The following RSPRY1 variants were observed in gnomAD, a reference collection of about 807,000 sequenced individuals.
RSPRY1 encodes the protein RING finger and SPRY domain-containing protein 1.
A neutral mutation model predicts 73.1 loss-of-function variants in RSPRY1; 23 were observed. That is an observed-to-expected ratio of 0.31 (90% CI 0.23 to 0.45). The LOEUF is 0.45. Among genes scored for constraint, RSPRY1 ranks in the 20% least tolerant of loss-of-function variants. The pLI is 1.00. For missense variants in RSPRY1, 448 were observed against 698.7 expected (o/e 0.64, Z 4.05); for synonymous variants, 226 against 251.4 (o/e 0.90, Z 0.95).
chr16:57,205,380 A>C (rs1354872984), intron 2 of RSPRY1: 1 of 189,468 alleles, frequency 5.3e-6, no homozygotes. Flanking sequence ...CTCAGATTCA[A>C]GGTAAGTTGT....
intron 1 of RSPRY1, among the ~76,000 whole-genome samples, chr16:57,201,456 C>T (rs1274378314): frequency 1.3e-5 from 2 of 151,244 alleles, no homozygotes; most frequent in East Asian, 1.9e-4. Context: ...CGGGCAGAGA[C>T]GCTCCTCACT....
In RSPRY1 at chr16:57,213,005, T is replaced by G; in HGVS notation, c.550T>G (p.Leu184Val). The change falls in exon 5 of 15, where the codon TTA (leucine) becomes GTA (valine). Residue 184 changes from leucine to valine, a missense_variant. Physicochemically the swap from Leu to Val is conservative, Grantham distance 32. Transcript: ENST00000394420. ...ALQKLTEILN[L>V]NGEVACQDSS... ...CCAGAAATTGACTGAAATTCTCAAT[T>G]TAAATGGAGAAGTAGCTTGCCAGGA... 6.2e-7 allele frequency: 1 copy of G among 1,614,084 alleles called. No homozygotes were observed. Among genetic ancestry groups the G allele is most frequent in the Non-Finnish European group, 8.5e-7 (1 of 1,180,014 alleles).
intron 1 of RSPRY1, among the ~76,000 whole-genome samples, chr16:57,195,096 G>C (rs537747973): frequency 6.6e-6 from 1 of 152,060 alleles, no homozygotes; most frequent in South Asian, 2.1e-4. Flanking sequence ...GGAGAGAATA[G>C]TCTTTAGTTT....
chr16:57,203,289 C>T (rs1352463403), intron 1 of RSPRY1, among the ~76,000 whole-genome samples: 1 of 151,990 alleles, frequency 6.6e-6, no homozygotes, highest in Admixed American at 6.6e-5. Context: ...GAGCGAGACT[C>T]CTCAAAAATA....
rs750796926 is a variant in RSPRY1, at chr16:57,189,504, TA to T, written c.-156+3066del. 5.4e-3 allele frequency among the ~76,000 whole-genome samples: 743 copies of T among 137,736 alleles called. 1 individual carries two copies. The highest frequency in any genetic ancestry group is 0.011 in the African/African-American group (408 of 37,812). The allele number at this position is 137,736 out of a possible 152,430, so 90.4% of individuals were successfully genotyped here. A position where few individuals can be genotyped will look rare whatever the true frequency, so the allele number is the denominator to read the frequency against. On this transcript the variant is annotated intron_variant, in intron 1 of 14. Transcript: ENST00000394420. The stretch of plus-strand genomic sequence containing the variant: ...ATGTAGCACTGTGGGGCCTGGAGGC[TA>T]AAAAAAAAAAAAGTGTGTTTTGTCA...
chr16:57,212,684 G>T lies in RSPRY1; in HGVS notation c.517-288G>T, dbSNP rs148714622. ...GGCTGGAGTGCAGTGGCACGATCTC[G>T]GCTCACTGCAACCTCTACCTCCCAG... is the stretch of plus-strand genomic sequence containing the variant. On this transcript the variant is annotated intron_variant, in intron 4 of 14. Transcript: ENST00000394420. Among the ~76,000 whole-genome samples the T allele has an allele frequency of 7.2e-3, 1,089 of 151,966 alleles. 12 individuals carry two copies. The highest frequency in any genetic ancestry group is 0.025 in the African/African-American group (1,049 of 41,438).
At chr16:57,226,461 C>G (rs1302705883) in intron 10 of RSPRY1, among the ~76,000 whole-genome samples, 1 of 152,176 alleles carries the variant, frequency 6.6e-6, no homozygotes, top group East Asian at 1.9e-4. Flanking sequence ...ATATGCTAAA[C>G]AGGGATGGAT....
At chr16:57,219,844 G>A (rs2075006336) in intron 8 of RSPRY1, 1 of 152,194 alleles carries the variant, frequency 6.6e-6, no homozygotes, top group African/African-American at 2.4e-5. Context: ...GGCAATGAGA[G>A]ATAGGGGTCT....
intron 1 of RSPRY1, among the ~76,000 whole-genome samples, chr16:57,194,483 A>C (rs1202907009): frequency 6.6e-6 from 1 of 152,222 alleles, no homozygotes; most frequent in Non-Finnish European, 1.5e-5. Context: ...GAAAAATCCG[A>C]AAACATTTTC....
chr16:57,205,423 T>C (rs760287087), intron 2 of RSPRY1, among the ~76,000 whole-genome samples: 14 of 152,250 alleles, frequency 9.2e-5, no homozygotes, highest in Non-Finnish European at 1.8e-4. Context: ...GCAACTTCTC[T>C]TGGCAACATA....
intron 1 of RSPRY1, among the ~76,000 whole-genome samples, chr16:57,201,869 G>C (rs1488633696): frequency 6.6e-6 from 1 of 152,234 alleles, no homozygotes; most frequent in Admixed American, 6.5e-5. Context: ...TGAGGCAGGA[G>C]AATCAGGCAG....
At chr16:57,196,574 A>G (rs1487689098) in intron 1 of RSPRY1, among the ~76,000 whole-genome samples, 1 of 152,184 alleles carries the variant, frequency 6.6e-6, no homozygotes, top group Non-Finnish European at 1.5e-5. Context: ...TTGCATTTTA[A>G]TAAGTACTCT....
Position 57,239,803 on chromosome 16 carries a change from T to G in RSPRY1, c.*828T>G, listed in dbSNP as rs2075352792. 1 of 152,118 alleles carries G rather than the reference T, an allele frequency of 6.6e-6. No individual in the cohort carries two copies. Among genetic ancestry groups the G allele is most frequent in the African/African-American group, 2.4e-5 (1 of 41,430 alleles). 9.4% of individuals were successfully genotyped at this position (152,118 alleles called of 1,614,324 possible). ...TTTCAAGGTACCATCAAATCAGATT[T>G]CTGTTTTTTTGTTAAAAAAAATTTT... On this transcript the variant is annotated 3_prime_UTR_variant, in exon 15 of 15. Coordinates refer to ENST00000394420, the MANE Select transcript of RSPRY1 (RefSeq NM_133368.3).
chr16:57,197,128 G>A (rs1194198564), intron 1 of RSPRY1, among the ~76,000 whole-genome samples: 1 of 152,024 alleles, frequency 6.6e-6, no homozygotes, highest in African/African-American at 2.4e-5. Flanking sequence ...GCCACGTAAA[G>A]CTTTTTTTGA....
Position 57,239,831 on chromosome 16 carries a change from T to G in RSPRY1, c.*856T>G, listed in dbSNP as rs2075353417. The stretch of plus-strand genomic sequence containing the variant: ...GTTTTTTTGTTAAAAAAAATTTTTT[T>G]AATCAGTATTGTTTTTACAAGTAAT... On this transcript the variant is annotated 3_prime_UTR_variant, in exon 15 of 15. Transcript: ENST00000394420. The G allele has an allele frequency of 6.6e-6, 1 of 152,174 alleles. No individual in the cohort carries two copies. The highest frequency in any genetic ancestry group is 1.5e-5 in the Non-Finnish European group (1 of 68,024). The allele number at this position is 152,174 out of a possible 1,614,324, so 9.4% of individuals were successfully genotyped here.
At chr16:57,209,370 T>C (rs1258625798) in intron 4 of RSPRY1, among the ~76,000 whole-genome samples, 183 bp downstream of exon 4, 6 of 152,186 alleles carry the variant, frequency 3.9e-5, no homozygotes, top group African/African-American at 1.4e-4. Flanking sequence ...TTTTTTTTTC[T>C]TTTCCTCTTT....
Position 57,227,322 on chromosome 16 carries a change from T to A in RSPRY1, c.1162-20T>A. 2 of 1,563,060 alleles carry A rather than the reference T, an allele frequency of 1.3e-6. No homozygotes were observed. Among genetic ancestry groups the A allele is most frequent in the Middle Eastern group, 3.4e-4 (2 of 5,966 alleles). ...AGAGCAGGCAGACTTGCTAATCTTC[T>A]GGGCCTTGTCTCTCTCCAGGAAGGC... is the stretch of plus-strand genomic sequence containing the variant. On this transcript the variant is annotated intron_variant, in intron 10 of 14. Coordinates refer to ENST00000394420, the MANE Select transcript of RSPRY1 (RefSeq NM_133368.3).
chr16:57,220,360 C>T, intron 8 of RSPRY1: 1 of 167,582 alleles, frequency 6.0e-6, no homozygotes, highest in Non-Finnish European at 1.3e-5. Flanking sequence ...AGAGATCTTT[C>T]ACTTCTTTGA....
chr16:57,221,616 C>T (rs1470327044), intron 10 of RSPRY1, among the ~76,000 whole-genome samples: 2 of 152,162 alleles, frequency 1.3e-5, no homozygotes, highest in Admixed American at 6.5e-5. Flanking sequence ...GCCCCTCGGC[C>T]TTTTCTTTTT....
Sources: gnomAD v4.1 joint callset for allele counts (sites outside exome capture counted in the v4.1 genomes callset) on GRCh38, gnomAD v4.1.1 for gene constraint, MANE v1.5 for transcripts, NCBI Gene and HGNC (gene_info 2026-07-23, HGNC 2026-07-21) for gene names.